Variants in CNTLN observed in about 807,000 individuals in gnomAD.
CNTLN encodes the protein centlein, centrosomal protein.
In CNTLN, 212 loss-of-function variants were observed where a neutral mutation model predicts 180.0. The ratio of observed to expected loss-of-function variants is 1.18; its 90% CI spans 1.05 to 1.32. The LOEUF (loss-of-function observed/expected upper bound fraction) is 1.32. CNTLN is among the 40% of genes most tolerant of loss of function. The probability of loss-of-function intolerance (pLI) is 0.00; values close to 1 mark genes in which losing one functional copy is unlikely to be tolerated. For synonymous variants in CNTLN, 722 were observed against 563.1 expected (o/e 1.28, Z -3.99); for missense variants, 2,095 against 1,610.9 (o/e 1.30, Z -5.14).
At chr9:17,259,652 A>C (rs749224823) in intron 5 of CNTLN, among the ~76,000 whole-genome samples, 5 of 150,826 alleles carry the variant, frequency 3.3e-5, no homozygotes, top group East Asian at 1.9e-4. Context: ...ACAATTTCAG[A>C]TCCTGTTATT....
intron 10 of CNTLN, among the ~76,000 whole-genome samples, chr9:17,339,619 A>G (rs1821316578): frequency 6.6e-6 from 1 of 152,196 alleles, no homozygotes; most frequent in Admixed American, 6.5e-5. Context: ...AATATTAGAG[A>G]GTATCTGTTG....
At chr9:17,364,488 T>G (rs1414713258) in intron 12 of CNTLN, among the ~76,000 whole-genome samples, 3 of 152,162 alleles carry the variant, frequency 2.0e-5, no homozygotes, top group Non-Finnish European at 4.4e-5. Context: ...ATTTTCTGTT[T>G]CATAAACCCC....
intron 2 of CNTLN, among the ~76,000 whole-genome samples, chr9:17,197,925 T>C (rs1822241194): frequency 6.6e-6 from 1 of 152,148 alleles, no homozygotes; most frequent in Non-Finnish European, 1.5e-5. Context: ...TGGTGAGAAA[T>C]GAGGGTCTAG....
intron 5 of CNTLN, among the ~76,000 whole-genome samples, chr9:17,256,420 A>G (rs534824232): frequency 1.3e-5 from 2 of 151,880 alleles, no homozygotes; most frequent in Non-Finnish European, 2.9e-5. Flanking sequence ...CTTCTCCAAC[A>G]TCTGTTATTT....
chr9:17,459,977 T>C (rs1271374084), intron 19 of CNTLN, among the ~76,000 whole-genome samples: 2 of 151,774 alleles, frequency 1.3e-5, no homozygotes, highest in African/African-American at 2.4e-5. Flanking sequence ...ACTGCTAATA[T>C]AGTGATTTTC....
chr9:17,454,908 A>G (rs1831021720), intron 18 of CNTLN, among the ~76,000 whole-genome samples: 1 of 152,210 alleles, frequency 6.6e-6, no homozygotes, highest in Admixed American at 6.5e-5. Context: ...TGAAGATGGA[A>G]AGGTAATAGT....
intron 2 of CNTLN, among the ~76,000 whole-genome samples, chr9:17,211,411 G>T (rs1563884896): frequency 0.013 from 2,027 of 152,040 alleles, 46 homozygotes; most frequent in African/African-American, 0.047. Flanking sequence ...TTCCATTGGT[G>T]ATATCTCTGT....
chr9:17,189,859 CTGA>C (rs1821685433), intron 2 of CNTLN, among the ~76,000 whole-genome samples: 1 of 152,000 alleles, frequency 6.6e-6, no homozygotes, highest in Admixed American at 6.6e-5. Context: ...TTCACTCTGA[CTGA>C]TGGGAACACG....
intron 15 of CNTLN, among the ~76,000 whole-genome samples, chr9:17,401,741 T>A (rs1028536096): frequency 1.3e-5 from 2 of 151,854 alleles, no homozygotes; most frequent in Non-Finnish European, 2.9e-5. Flanking sequence ...ATTACTTGTT[T>A]ATAACTTTGG....
intron 2 of CNTLN, among the ~76,000 whole-genome samples, chr9:17,160,471 G>C (rs1390293654): frequency 3.3e-5 from 5 of 152,008 alleles, no homozygotes; most frequent in Admixed American, 2.0e-4. Context: ...GGTAATCTTT[G>C]ATACCTTTTG....
chr9:17,466,246 G>A (rs1158557473), intron 22 of CNTLN, 128 bp downstream of exon 22: 1 of 712,730 alleles, frequency 1.4e-6, no homozygotes, highest in Non-Finnish European at 2.3e-6. Context: ...AGTGCAAAGA[G>A]GATTTGTATC....
chr9:17,135,417 C>G lies in CNTLN; in HGVS notation c.352C>G (p.Leu118Val), dbSNP rs755339246. ...GAGCAGCCTAAAGGAGGAGTTGGCC[C>G]TGTGTCAGGTATCGAGGAGTCTCGC... Reference protein sequence around the residue: ...ELSSLKEELALCQADKEFVWS... With the variant: ...ELSSLKEELAVCQADKEFVWS... Residue 118 changes from leucine (L) to valine (V), a missense_variant, in exon 1 of 26, where the codon CTG becomes GTG. By Grantham distance (32) the Leu-to-Val change is conservative. Transcript: ENST00000380647. 6.3e-6 allele frequency: 10 copies of G among 1,596,022 alleles called. No homozygotes were observed. The highest frequency in any genetic ancestry group is 2.7e-5 in the African/African-American group (2 of 74,830).
At chr9:17,236,682 T>A in intron 5 of CNTLN, 94 bp downstream of exon 5, 1 of 976,158 alleles carries the variant, frequency 1.0e-6, no homozygotes, top group Non-Finnish European at 1.5e-6. Context: ...ACTTATATAT[T>A]CATATCCACC....
At chr9:17,512,114 G>T in the CNTLN span, among the ~76,000 whole-genome samples, 1 of 152,166 alleles carries the variant, frequency 6.6e-6, no homozygotes, top group African/African-American at 2.4e-5. Flanking sequence ...ACTAAAACCA[G>T]TGTCAGAAAT....
At chr9:17,190,923 C>G (rs1435428446) in intron 2 of CNTLN, among the ~76,000 whole-genome samples, 1 of 152,128 alleles carries the variant, frequency 6.6e-6, no homozygotes, top group African/African-American at 2.4e-5. Flanking sequence ...AATTCATAGT[C>G]ATTTATATAA....
chr9:17,371,647 T>C (rs1264030438), intron 13 of CNTLN, among the ~76,000 whole-genome samples: 4 of 152,150 alleles, frequency 2.6e-5, no homozygotes, highest in Non-Finnish European at 5.9e-5. Flanking sequence ...TTTCATCCAA[T>C]GGCTGCAGAA....
chr9:17,216,220 A>G (rs1242128080), intron 2 of CNTLN, among the ~76,000 whole-genome samples: 1 of 152,128 alleles, frequency 6.6e-6, no homozygotes, highest in Non-Finnish European at 1.5e-5. Flanking sequence ...TTTAATAATT[A>G]GTGGTTAAGA....
rs1450059400 is a variant in CNTLN, at chr9:17,433,771, G to C, written c.3114+17582G>C. The stretch of plus-strand genomic sequence containing the variant: ...TTTTAAAAAATTTTTTGTAGAGATG[G>C]GATCTCACTTTGTTGCTCAGGGTTG... On this transcript the variant is annotated intron_variant, in intron 18 of 25. Coordinates refer to ENST00000380647, the MANE Select transcript of CNTLN (RefSeq NM_017738.4). 1.3e-5 allele frequency among the ~76,000 whole-genome samples: 2 copies of C among 152,022 alleles called. 1 individual carries two copies. The highest frequency in any genetic ancestry group is 2.9e-5 in the Non-Finnish European group (2 of 68,002).
At chr9:17,182,642 T>C (rs1821190868) in intron 2 of CNTLN, among the ~76,000 whole-genome samples, 1 of 146,490 alleles carries the variant, frequency 6.8e-6, no homozygotes. Flanking sequence ...TAGAGTAAGA[T>C]TAAAAAGTTT....
Sources: allele counts gnomAD v4.1 joint callset (sites outside exome capture counted in the v4.1 genomes callset), GRCh38; gene constraint gnomAD v4.1.1; transcripts MANE v1.5; gene names NCBI Gene and HGNC (gene_info 2026-07-23, HGNC 2026-07-21).